The following PC variants were observed in gnomAD, a reference collection of about 807,000 sequenced individuals.
The protein encoded by PC is pyruvate carboxylase, mitochondrial.
A neutral mutation model predicts 107.8 loss-of-function variants in PC; 46 were observed. That is an observed-to-expected ratio of 0.43 (90% CI 0.34 to 0.55). The LOEUF is 0.55. Among genes scored for constraint, PC ranks in the 20% least tolerant of loss-of-function variants. PC has a pLI of 0.04. For missense variants in PC, 1,241 were observed against 1,643.1 expected, an observed-to-expected ratio of 0.76 and a Z score of 4.23; for synonymous variants, 662 against 684.7, an observed-to-expected ratio of 0.97 and a Z score of 0.52.
At chr11:66,911,763 C>T (rs919283359) in intron 3 of PC, among the ~76,000 whole-genome samples, 17 of 152,174 alleles carry the variant, frequency 1.1e-4, no homozygotes, top group East Asian at 9.7e-4. Context: ...CTGGGCATGG[C>T]GGCTCACACC....
chr11:66,858,437 T>C lies in PC; in HGVS notation c.1369-5054A>G, dbSNP rs1946012095. The C allele has an allele frequency of 6.4e-7, 1 of 1,552,770 alleles. No individual in the cohort carries two copies. The highest frequency in any genetic ancestry group is 8.7e-7 in the Non-Finnish European group (1 of 1,155,510). ...CTCCCGCCCCCCTGGTGCTGAGCTT[T>C]AGCGGGAACCCCCTGCACTGCAACT... is the stretch of plus-strand genomic sequence containing the variant. On this transcript the variant is annotated intron_variant, in intron 12 of 22. Transcript: ENST00000393960. The surrounding 1 kb of genome is among the most constrained non-coding windows in gnomAD (Gnocchi z 5.9).
rs374178095 is a variant in PC, at chr11:66,852,395, C to A, written c.1825+44G>T. On this transcript the variant is annotated intron_variant, in intron 15 of 22. Transcript: ENST00000393960. This position sits in a 1 kb window ranked among gnomAD's most constrained non-coding sequence, Gnocchi z 4.7. ...TAAGCCTGTGGGACTGGCCACAGAGCGGGCGCCCATTCCTACCAGGCGCTG... is the reference window on the plus strand; with the variant it reads ...TAAGCCTGTGGGACTGGCCACAGAGAGGGCGCCCATTCCTACCAGGCGCTG... The A allele has an allele frequency of 1.2e-4, 176 of 1,483,582 alleles. No homozygotes were observed. The highest frequency in any genetic ancestry group is 1.3e-4 in the Non-Finnish European group (138 of 1,061,614). The allele number at this position is 1,483,582 out of a possible 1,614,324, so 91.9% of individuals were successfully genotyped here.
intron 3 of PC, among the ~76,000 whole-genome samples, chr11:66,889,991 T>C (rs774576272): frequency 6.6e-6 from 1 of 152,222 alleles, no homozygotes; most frequent in African/African-American, 2.4e-5. Context: ...GACTGCACAA[T>C]GTTCTATTAG....
intron 3 of PC, among the ~76,000 whole-genome samples, chr11:66,897,450 TAGTCCC>T (rs1428262373): frequency 6.6e-6 from 1 of 152,152 alleles, no homozygotes. Flanking sequence ...CACACACCTG[TAGTCCC>T]AGTTACTCGG....
intron 3 of PC, among the ~76,000 whole-genome samples, chr11:66,880,931 G>A (rs1207684313): frequency 6.6e-6 from 1 of 152,228 alleles, no homozygotes; most frequent in African/African-American, 2.4e-5. Context: ...CCACAGAGCC[G>A]TTTCCTGCTC....
In PC at chr11:66,850,716, C is replaced by A; in HGVS notation, c.2431G>T (p.Gly811Trp). ...CCTCTGGTACAGGCCACCAGGGCCC[C>A]CATGCTGGGCTGTGAAGTCATCCCA... Reference protein sequence around the residue: ...MSGMTSQPSMGALVACTRGTP... With the variant: ...MSGMTSQPSMWALVACTRGTP... The change falls in exon 18 of 23, where the codon GGG becomes TGG. Residue 811 changes from glycine (G) to tryptophan (W), a missense_variant. Gly to Trp is a radical substitution (Grantham distance 184). Transcript: ENST00000393960. 1 of 1,611,418 alleles carries A rather than the reference C, an allele frequency of 6.2e-7. No individual in the cohort carries two copies. The highest frequency in any genetic ancestry group is 8.5e-7 in the Non-Finnish European group (1 of 1,179,884).
At position 66,857,877 on chromosome 11, in the gene PC, A is replaced by G; in HGVS notation, c.1369-4494T>C. 1 of 1,610,666 alleles carries G rather than the reference A, an allele frequency of 6.2e-7. No homozygotes were observed. Among genetic ancestry groups the G allele is most frequent in the Non-Finnish European group, 8.5e-7 (1 of 1,179,786 alleles). On this transcript the variant is annotated intron_variant, in intron 12 of 22. Coordinates refer to ENST00000393960, the MANE Select transcript of PC (RefSeq NM_001040716.2). This position sits in a 1 kb window ranked among gnomAD's most constrained non-coding sequence, Gnocchi z 7.1. ...CCGAGGCCTGCTGTTTGTGCCGCCC[A>G]ACGTGGACCGGCGCACAGTGGAGCT...
chr11:66,913,662 CAAAA>C (rs11345088), intron 3 of PC, among the ~76,000 whole-genome samples: 14 of 128,992 alleles, frequency 1.1e-4, no homozygotes, highest in Non-Finnish European at 1.2e-4. Flanking sequence ...AACTCTGTCT[CAAAA>C]AAAAAAAAAA....
intron 3 of PC, among the ~76,000 whole-genome samples, chr11:66,901,677 T>C (rs1354070137): frequency 6.6e-6 from 1 of 152,168 alleles, no homozygotes; most frequent in African/African-American, 2.4e-5. Context: ...TTTGCCATGT[T>C]GGCCAGGCTG....
intron 3 of PC, among the ~76,000 whole-genome samples, chr11:66,919,204 C>A (rs1948535693): frequency 6.6e-6 from 1 of 152,232 alleles, no homozygotes; most frequent in African/African-American, 2.4e-5. Flanking sequence ...TCACTTGAGG[C>A]CAGGAGTTCC....
intron 3 of PC, among the ~76,000 whole-genome samples, chr11:66,895,004 A>G (rs1278991008): frequency 1.3e-5 from 2 of 150,590 alleles, no homozygotes; most frequent in African/African-American, 4.9e-5. Context: ...CCTGGGTGAC[A>G]AGAGTTAAAA....
chr11:66,894,641 G>A (rs535767259), intron 3 of PC, among the ~76,000 whole-genome samples: 1 of 152,282 alleles, frequency 6.6e-6, no homozygotes, highest in South Asian at 2.1e-4. Flanking sequence ...TCCTCCAAAG[G>A]CCAGGGAACT....
At chr11:66,939,402 C>T (rs967708123) in intron 3 of PC, among the ~76,000 whole-genome samples, 4 of 152,136 alleles carry the variant, frequency 2.6e-5, no homozygotes, top group African/African-American at 9.6e-5. Context: ...TGGAACCAGT[C>T]CCCAGGGGAT....
chr11:66,882,915 T>C (rs772957628), intron 3 of PC, among the ~76,000 whole-genome samples: 1 of 152,120 alleles, frequency 6.6e-6, no homozygotes, highest in Non-Finnish European at 1.5e-5. Context: ...GAGGCTGAGA[T>C]TTCTGGGCAG....
intron 11 of PC, among the ~76,000 whole-genome samples, chr11:66,864,246 G>A (rs1175470162): frequency 3.3e-5 from 5 of 152,228 alleles, no homozygotes; most frequent in East Asian, 1.9e-4. Context: ...AGAGGGGCCC[G>A]GGCAGGCAGG....
chr11:66,929,187 A>G (rs1194161558), intron 3 of PC, among the ~76,000 whole-genome samples: 2 of 152,142 alleles, frequency 1.3e-5, no homozygotes, highest in Non-Finnish European at 2.9e-5. Context: ...AGTTTGAAAT[A>G]TGAGTCAGAT....
At chr11:66,875,229 AGG>A (rs1946928906) in intron 3 of PC, among the ~76,000 whole-genome samples, 1 of 105,734 alleles carries the variant, frequency 9.5e-6, no homozygotes, top group Non-Finnish European at 1.8e-5. Context: ...AGCCTCTGAC[AGG>A]GGGAAGCTAT....
intron 3 of PC, among the ~76,000 whole-genome samples, chr11:66,906,301 C>A (rs1241850689): frequency 6.6e-6 from 1 of 152,178 alleles, no homozygotes; most frequent in Admixed American, 6.5e-5. Flanking sequence ...GAGAACAGGT[C>A]CCTGTCCTCA....
intron 3 of PC, among the ~76,000 whole-genome samples, chr11:66,895,045 A>G (rs1947707071): frequency 6.9e-6 from 1 of 145,100 alleles, no homozygotes; most frequent in African/African-American, 2.6e-5. Flanking sequence ...AAAAAAAAAT[A>G]GCAGTTAGAC....
Sources: allele counts gnomAD v4.1 joint callset (sites outside exome capture counted in the v4.1 genomes callset), GRCh38; gene constraint gnomAD v4.1.1; non-coding constraint Gnocchi (gnomAD v3.1); transcripts MANE v1.5; gene names NCBI Gene and HGNC (gene_info 2026-07-23, HGNC 2026-07-21).